Variants in GRIA1 observed in about 807,000 individuals in gnomAD.
GRIA1 encodes glutamate receptor 1.
GRIA1 carries 31 observed loss-of-function variants against 99.2 expected under a neutral mutation model. The ratio of observed to expected loss-of-function variants is 0.31; its 90% CI spans 0.23 to 0.42. The LOEUF (loss-of-function observed/expected upper bound fraction) is 0.42, where lower values mean the gene tolerates loss of function less well. Ranked by LOEUF, GRIA1 falls within the 10% of genes least tolerant of loss-of-function variation. The pLI is 1.00. For synonymous variants in GRIA1, 438 were observed against 432.4 expected (o/e 1.01, Z -0.16); for missense variants, 782 against 1,157.5 (o/e 0.68, Z 4.71).
At chr5:153,546,713 C>T (rs1253145280) in intron 2 of GRIA1, among the ~76,000 whole-genome samples, 1 of 152,202 alleles carries the variant, frequency 6.6e-6, no homozygotes, top group Non-Finnish European at 1.5e-5. Flanking sequence ...GCTCCCACAG[C>T]TGACACTCCT....
chr5:153,585,610 CT>C (rs1763419164), intron 2 of GRIA1, among the ~76,000 whole-genome samples: 1 of 152,024 alleles, frequency 6.6e-6, no homozygotes, highest in Non-Finnish European at 1.5e-5. Context: ...TGCCCGGCCC[CT>C]GTCCTCATTT....
chr5:153,663,652 A>G (rs929810277), intron 5 of GRIA1, among the ~76,000 whole-genome samples: 3 of 152,244 alleles, frequency 2.0e-5, no homozygotes, highest in East Asian at 1.9e-4. Context: ...ACTCATGACC[A>G]TTTATGCAAA....
chr5:153,677,107 T>A lies in GRIA1; in HGVS notation c.975T>A (p.Ala325=), dbSNP rs769455691. ...GGGGGAATGCTGGGGATTGTCTGGC[T>A]AACCCAGCTGTTCCCTGGGGCCAAG... The part of the protein sequence containing the change: ...SRRGNAGDCL[A]NPAVPWGQGI... The change falls in exon 7 of 16, where the codon GCT becomes GCA. Residue 325 remains alanine, a synonymous_variant. Coordinates refer to ENST00000285900, the MANE Select transcript of GRIA1 (RefSeq NM_000827.4). 3 of 1,581,040 alleles carry A rather than the reference T, an allele frequency of 1.9e-6. No individual in the cohort carries two copies. Among genetic ancestry groups the A allele is most frequent in the Non-Finnish European group, 2.6e-6 (3 of 1,160,616 alleles).
chr5:153,809,287 G>A (rs115164077), intron 15 of GRIA1, among the ~76,000 whole-genome samples: 2,039 of 152,228 alleles, frequency 0.013, 18 homozygotes, highest in African/African-American at 0.023. Context: ...TTTGGCCTTT[G>A]ACTTAGAAGA....
chr5:153,561,644 A>T (rs1761136141), intron 2 of GRIA1, among the ~76,000 whole-genome samples: 1 of 152,228 alleles, frequency 6.6e-6, no homozygotes, highest in African/African-American at 2.4e-5. Context: ...GGCTTAAAGC[A>T]GTTGCAAGAA....
intron 14 of GRIA1, 71 bp from the exon 15 acceptor site, chr5:153,802,285 T>G (rs1187107184): frequency 2.9e-6 from 4 of 1,372,282 alleles, no homozygotes; most frequent in Admixed American, 1.7e-5. Flanking sequence ...TGCTGCTGCT[T>G]GGATGGTCTT....
intron 2 of GRIA1, among the ~76,000 whole-genome samples, chr5:153,589,861 C>T (rs944809963): frequency 6.6e-6 from 1 of 152,122 alleles, no homozygotes; most frequent in Non-Finnish European, 1.5e-5. Context: ...AGGGAAGATG[C>T]TGTTGAAGAA....
chr5:153,774,296 C>T (rs1338322654), intron 13 of GRIA1, among the ~76,000 whole-genome samples: 2 of 152,026 alleles, frequency 1.3e-5, no homozygotes, highest in South Asian at 2.1e-4. Context: ...AGAGTAAAGA[C>T]ATTTGTGCTT....
chr5:153,638,400 C>G (rs1211241889), intron 2 of GRIA1, among the ~76,000 whole-genome samples: 1 of 152,226 alleles, frequency 6.6e-6, no homozygotes, highest in Non-Finnish European at 1.5e-5. Flanking sequence ...TGAAATACTG[C>G]AATCAGACAT....
chr5:153,694,908 A>C (rs1757985772), intron 8 of GRIA1, among the ~76,000 whole-genome samples: 1 of 152,120 alleles, frequency 6.6e-6, no homozygotes, highest in Non-Finnish European at 1.5e-5. Flanking sequence ...CAGGAAGGAA[A>C]GGAGGAAGAA....
At chr5:153,696,301 G>A (rs1330048106) in intron 8 of GRIA1, among the ~76,000 whole-genome samples, 1 of 152,220 alleles carries the variant, frequency 6.6e-6, no homozygotes, top group Non-Finnish European at 1.5e-5. Context: ...TGAAATGCAA[G>A]CATTCAGTAA....
intron 8 of GRIA1, among the ~76,000 whole-genome samples, chr5:153,696,564 C>G (rs1357960552): frequency 6.6e-6 from 1 of 152,164 alleles, no homozygotes; most frequent in Non-Finnish European, 1.5e-5. Flanking sequence ...TTAATGGCTG[C>G]GAGATTACAG....
chr5:153,569,231 T>C (rs1224004383), intron 2 of GRIA1, among the ~76,000 whole-genome samples: 1 of 152,238 alleles, frequency 6.6e-6, no homozygotes, highest in Non-Finnish European at 1.5e-5. Context: ...CCTTTGAATC[T>C]GAAGTTGTGG....
chr5:153,554,689 C>G (rs1581221920), intron 2 of GRIA1, among the ~76,000 whole-genome samples: 1 of 152,026 alleles, frequency 6.6e-6, no homozygotes, highest in African/African-American at 2.4e-5. Flanking sequence ...AGACGGGGTT[C>G]CCCCATGTTG....
intron 11 of GRIA1, among the ~76,000 whole-genome samples, chr5:153,760,545 AG>A (rs1209964653): frequency 1.3e-5 from 2 of 152,144 alleles, no homozygotes; most frequent in Non-Finnish European, 2.9e-5. Context: ...GCAAATGGAA[AG>A]ATATCCATTA....
chr5:153,743,496 G>A (rs1156567495), intron 11 of GRIA1, among the ~76,000 whole-genome samples: 1 of 151,968 alleles, frequency 6.6e-6, no homozygotes, highest in Non-Finnish European at 1.5e-5. Context: ...ATATAAGACT[G>A]AAATCCCCAT....
At chr5:153,641,145 C>G (rs1753752440) in intron 2 of GRIA1, among the ~76,000 whole-genome samples, 1 of 152,088 alleles carries the variant, frequency 6.6e-6, no homozygotes, top group South Asian at 2.1e-4. Context: ...AAAGTCCCCC[C>G]ATTCACACAT....
intron 5 of GRIA1, among the ~76,000 whole-genome samples, chr5:153,658,929 G>T (rs1755152412): frequency 6.6e-6 from 1 of 151,936 alleles, no homozygotes; most frequent in Non-Finnish European, 1.5e-5. Flanking sequence ...GGAGGAGATT[G>T]TAGGTTAGAG....
chr5:153,547,383 T>C (rs1026046188), intron 2 of GRIA1, among the ~76,000 whole-genome samples: 2 of 152,186 alleles, frequency 1.3e-5, no homozygotes, highest in African/African-American at 2.4e-5. Context: ...CATAGTTCAA[T>C]ACCCTGGACA....
Sources: allele counts gnomAD v4.1 joint callset (sites outside exome capture counted in the v4.1 genomes callset), GRCh38; gene constraint gnomAD v4.1.1; transcripts MANE v1.5; gene names NCBI Gene and HGNC (gene_info 2026-07-23, HGNC 2026-07-21).